Variants in CBFA2T3 observed in about 807,000 individuals in gnomAD.
The protein encoded by CBFA2T3 is CBFA2/RUNX1 partner transcriptional co-repressor 3.
A neutral mutation model predicts 58.6 loss-of-function variants in CBFA2T3; 31 were observed. The observed-to-expected ratio is 0.53, with a 90% CI of 0.40 to 0.71. CBFA2T3 has a LOEUF of 0.71. Among genes scored for constraint, CBFA2T3 ranks in the 30% least tolerant of loss-of-function variants. CBFA2T3 has a pLI of 0.00. For missense variants in CBFA2T3, 1,076 were observed against 963.1 expected, an observed-to-expected ratio of 1.12 and a Z score of -1.55; for synonymous variants, 531 against 421.9, an observed-to-expected ratio of 1.26 and a Z score of -3.17.
intron 1 of CBFA2T3, among the ~76,000 whole-genome samples, chr16:88,974,919 C>G (rs1275501762): frequency 6.6e-6 from 1 of 152,190 alleles, no homozygotes; most frequent in African/African-American, 2.4e-5. Flanking sequence ...ACATGTAACT[C>G]TGCTGCCTGA....
intron 1 of CBFA2T3, among the ~76,000 whole-genome samples, chr16:88,972,344 A>G (rs1026437002): frequency 6.6e-6 from 1 of 151,136 alleles, no homozygotes; most frequent in Non-Finnish European, 1.5e-5. Flanking sequence ...GTTGGGGGGG[A>G]GTCAGGCTTT....
At chr16:88,914,076 C>T (rs1381753215) in intron 1 of CBFA2T3, among the ~76,000 whole-genome samples, 1 of 152,226 alleles carries the variant, frequency 6.6e-6, no homozygotes, top group African/African-American at 2.4e-5. Flanking sequence ...GAATACAATA[C>T]AGCAAGGAAA....
intron 8 of CBFA2T3, 93 bp downstream of exon 8, chr16:88,882,583 T>A: frequency 2.5e-6 from 1 of 402,302 alleles, no homozygotes; most frequent in Non-Finnish European, 3.9e-6. Flanking sequence ...TGGGCGTGGC[T>A]GTGTGTGCAT....
At position 88,885,896 on chromosome 16, in the gene CBFA2T3, AG is replaced by A; in HGVS notation, c.893+64del. On this transcript the variant is annotated intron_variant, in intron 6 of 11. Coordinates refer to ENST00000268679, the MANE Select transcript of CBFA2T3 (RefSeq NM_005187.6). The surrounding 1 kb of genome is among the most constrained non-coding windows in gnomAD (Gnocchi z 5.3). ...AGAGGAGGTTCCCTCTCTTACCCAGAGGGGAGCAGGGTGAGCCGCGTGTCCA... is the reference window on the plus strand; with the variant it reads ...AGAGGAGGTTCCCTCTCTTACCCAGAGGGAGCAGGGTGAGCCGCGTGTCCA... 7.1e-7 allele frequency: 1 copy of A among 1,406,552 alleles called. No individual in the cohort carries two copies. Among genetic ancestry groups the A allele is most frequent in the Non-Finnish European group, 9.7e-7 (1 of 1,028,216 alleles). The allele number at this position is 1,406,552 out of a possible 1,614,324, so 87.1% of individuals were successfully genotyped here.
At chr16:88,929,178 A>T (rs1971191372) in intron 1 of CBFA2T3, among the ~76,000 whole-genome samples, 1 of 152,288 alleles carries the variant, frequency 6.6e-6, no homozygotes, top group East Asian at 1.9e-4. Flanking sequence ...GAGAGATCCC[A>T]TAACTGTTTG....
At chr16:88,880,656 G>A in intron 10 of CBFA2T3, 64 bp downstream of exon 10, 1 of 1,346,830 alleles carries the variant, frequency 7.4e-7, no homozygotes, top group Non-Finnish European at 1.0e-6. Context: ...GAGCCGGTGA[G>A]AGGCGCATCT....
chr16:88,976,760 T>C lies in CBFA2T3; in HGVS notation c.48A>G (p.Gly16=). 6.4e-7 allele frequency: 1 copy of C among 1,557,128 alleles called. No individual in the cohort carries two copies. The highest frequency in any genetic ancestry group is 8.7e-7 in the Non-Finnish European group (1 of 1,150,262). ...TCTGGGACATGGAGCCACAGGTGGA[T>C]CCCGAGGCTGAACTGGCTGCCCTGT... ...LRDRAASSAS[G]STCGSMSQTH... The change falls in exon 1 of 12, where the codon GGA becomes GGG. Residue 16 remains glycine, a synonymous_variant. Coordinates refer to ENST00000268679, the MANE Select transcript of CBFA2T3 (RefSeq NM_005187.6).
chr16:88,878,751 G>C (rs1472703797), intron 11 of CBFA2T3, among the ~76,000 whole-genome samples: 1 of 152,196 alleles, frequency 6.6e-6, no homozygotes, highest in Non-Finnish European at 1.5e-5. Flanking sequence ...TTCGAGACCA[G>C]CCTGGCCTAC....
At position 88,941,602 on chromosome 16, in the gene CBFA2T3, G is replaced by T. The variant is rs1273214184; in HGVS notation, c.151+35055C>A. Among the ~76,000 whole-genome samples the T allele has an allele frequency of 5.4e-5, 8 of 147,796 alleles. No homozygotes were observed. The South Asian group carries it at 1.7e-3, about 31-fold the overall frequency. Reference sequence around the variant, plus strand: ...AGCAGGGAGAGGGGAGAGGGGCGCGGGGAGGGGGCGACGGGCGCGCCGCCT... The same window carrying T: ...AGCAGGGAGAGGGGAGAGGGGCGCGTGGAGGGGGCGACGGGCGCGCCGCCT... On this transcript the variant is annotated intron_variant, in intron 1 of 11. Coordinates refer to ENST00000268679, the MANE Select transcript of CBFA2T3 (RefSeq NM_005187.6).
At chr16:88,881,251 C>G in intron 9 of CBFA2T3, 40 bp downstream of exon 9, 1 of 1,552,120 alleles carries the variant, frequency 6.4e-7, no homozygotes, top group Non-Finnish European at 8.8e-7. Flanking sequence ...CCCACCAGAG[C>G]ACCCCGTGTC....
intron 3 of CBFA2T3, among the ~76,000 whole-genome samples, chr16:88,896,016 C>T (rs988150473): frequency 6.6e-6 from 1 of 152,202 alleles, no homozygotes; most frequent in African/African-American, 2.4e-5. Context: ...GTCGCTCAGG[C>T]CTGACCTGGG....
chr16:88,927,852 C>T (rs763858578), intron 1 of CBFA2T3, among the ~76,000 whole-genome samples: 5 of 152,220 alleles, frequency 3.3e-5, no homozygotes, highest in Non-Finnish European at 4.4e-5. Context: ...TCCTGCTGGG[C>T]TGCACGGGCC....
chr16:88,934,549 A>C (rs1242917008), intron 1 of CBFA2T3, among the ~76,000 whole-genome samples: 1 of 151,642 alleles, frequency 6.6e-6, no homozygotes, highest in Non-Finnish European at 1.5e-5. Context: ...CCCTGTGCAC[A>C]GTGTGTGGTG....
chr16:88,933,084 G>A (rs1157962632), intron 1 of CBFA2T3, among the ~76,000 whole-genome samples: 3 of 152,226 alleles, frequency 2.0e-5, no homozygotes, highest in Admixed American at 6.5e-5. Context: ...ATGGAAGTCC[G>A]CACGCCCAGA....
chr16:88,969,468 G>A (rs576869509), intron 1 of CBFA2T3, among the ~76,000 whole-genome samples: 1 of 152,352 alleles, frequency 6.6e-6, no homozygotes, highest in Admixed American at 6.5e-5. Context: ...GCCAGGAAGA[G>A]GGTCTTTCCT....
chr16:88,893,753 A>G (rs1014024239), intron 3 of CBFA2T3, among the ~76,000 whole-genome samples: 2 of 152,186 alleles, frequency 1.3e-5, no homozygotes, highest in African/African-American at 4.8e-5. Context: ...GCTGCTATGG[A>G]AAGTCCCAGG....
chr16:88,912,907 G>A (rs1970575622), intron 1 of CBFA2T3, among the ~76,000 whole-genome samples: 1 of 152,240 alleles, frequency 6.6e-6, no homozygotes, highest in Non-Finnish European at 1.5e-5. Flanking sequence ...TGCGTCTGAG[G>A]AATAAGGAGC....
intron 1 of CBFA2T3, among the ~76,000 whole-genome samples, chr16:88,926,761 G>A (rs1027418790): frequency 6.6e-6 from 1 of 152,254 alleles, no homozygotes; most frequent in African/African-American, 2.4e-5. Flanking sequence ...TCACAGTGGG[G>A]GTTGCTGGGA....
chr16:88,905,556 C>G (rs542840846), intron 1 of CBFA2T3, among the ~76,000 whole-genome samples: 1 of 151,654 alleles, frequency 6.6e-6, no homozygotes, highest in Admixed American at 6.6e-5. Flanking sequence ...AAAGGAAGGC[C>G]CCCAGAGGAA....
Sources: allele counts gnomAD v4.1 joint callset (sites outside exome capture counted in the v4.1 genomes callset), GRCh38; gene constraint gnomAD v4.1.1; non-coding constraint Gnocchi (gnomAD v3.1); transcripts MANE v1.5; gene names NCBI Gene and HGNC (gene_info 2026-07-23, HGNC 2026-07-21).